The following MUC13 variants were observed in gnomAD, a reference collection of about 807,000 sequenced individuals.
MUC13 encodes the protein mucin 13, cell surface associated.
MUC13 carries 32 observed loss-of-function variants against 48.3 expected under a neutral mutation model. That is an observed-to-expected ratio of 0.66 (90% CI 0.50 to 0.89). The LOEUF is 0.89. Among genes scored for constraint, MUC13 ranks in the 40% least tolerant of loss-of-function variants. MUC13 has a pLI of 0.00. For missense variants in MUC13, 571 were observed against 622.8 expected, an observed-to-expected ratio of 0.92 and a Z score of 0.88; for synonymous variants, 199 against 224.9, an observed-to-expected ratio of 0.88 and a Z score of 1.03.
intron 9 of MUC13, 72 bp downstream of exon 9, chr3:124,912,032 G>A (rs568820554): frequency 6.4e-7 from 1 of 1,565,316 alleles, no homozygotes; most frequent in East Asian, 2.3e-5. Context: ...TGGGCAGGAT[G>A]TTGAATGGGG....
At chr3:124,909,718 G>C (rs1935385231) in intron 10 of MUC13, among the ~76,000 whole-genome samples, 1 of 151,990 alleles carries the variant, frequency 6.6e-6, no homozygotes, top group East Asian at 1.9e-4. Flanking sequence ...CAACCCAGGG[G>C]GTTCAGTTGA....
intron 5 of MUC13, among the ~76,000 whole-genome samples, chr3:124,919,324 T>G (rs1935554982): frequency 1.5e-5 from 2 of 135,312 alleles, no homozygotes; most frequent in Admixed American, 8.1e-5. Context: ...ATGACAGGAG[T>G]GAGATTCCAT....
chr3:124,923,051 T>A (rs1437262903), intron 3 of MUC13, among the ~76,000 whole-genome samples: 2 of 150,368 alleles, frequency 1.3e-5, no homozygotes, highest in Non-Finnish European at 2.9e-5. Context: ...CATTCATTTC[T>A]TATAGAATTG....
chr3:124,913,006 C>T, intron 8 of MUC13, 105 bp downstream of exon 8: 3 of 1,250,710 alleles, frequency 2.4e-6, no homozygotes, highest in Non-Finnish European at 3.2e-6. Flanking sequence ...CAACCTATGA[C>T]AGCTTACCAG....
Position 124,934,732 on chromosome 3 carries a change from T to G in MUC13, c.-20A>C, listed in dbSNP as rs779178488. 22 of 1,594,376 alleles carry G rather than the reference T, an allele frequency of 1.4e-5. No homozygotes were observed. The highest frequency in any genetic ancestry group is 1.9e-5 in the Non-Finnish European group (22 of 1,162,596). ...TTTCATTTTAGCTGTTCTTGCTTGG[T>G]AATCTGAGGAGGAAATGATTTCCCT... On this transcript the variant is annotated 5_prime_UTR_variant, in exon 1 of 12. Transcript: ENST00000616727.
chr3:124,910,312 T>C lies in MUC13; in HGVS notation c.1337+103A>G, dbSNP rs970471325. On this transcript the variant is annotated intron_variant, in intron 10 of 11. Transcript: ENST00000616727. Reference sequence around the variant, plus strand: ...ACTTTGGGAGGCCAAGGTGGGAGGATGGCTTGAGTTCAGGAGTTCGAGACC... The same window carrying C: ...ACTTTGGGAGGCCAAGGTGGGAGGACGGCTTGAGTTCAGGAGTTCGAGACC... 22 of 1,470,300 alleles carry C rather than the reference T, an allele frequency of 1.5e-5. No homozygotes were observed. In the African/African-American group the frequency reaches 2.3e-4, roughly 15 times the overall value. The allele number at this position is 1,470,300 out of a possible 1,614,324, so 91.1% of individuals were successfully genotyped here.
chr3:124,933,232 C>T (rs1036682980), intron 1 of MUC13, among the ~76,000 whole-genome samples: 1 of 152,218 alleles, frequency 6.6e-6, no homozygotes, highest in African/African-American at 2.4e-5. Flanking sequence ...CTTCATACAT[C>T]TGCCTTATCA....
intron 1 of MUC13, among the ~76,000 whole-genome samples, chr3:124,931,950 C>G (rs1935806321): frequency 6.6e-6 from 1 of 151,868 alleles, no homozygotes; most frequent in Non-Finnish European, 1.5e-5. Context: ...GAAGCTGAGG[C>G]AGGAGAATTG....
At chr3:124,915,301 A>T (rs1299145080) in intron 6 of MUC13, among the ~76,000 whole-genome samples, 1 of 152,142 alleles carries the variant, frequency 6.6e-6, no homozygotes, top group African/African-American at 2.4e-5. Context: ...GCCCTTCCAC[A>T]CTGTGCTTGG....
chr3:124,916,971 G>A (rs1935520757), intron 5 of MUC13, among the ~76,000 whole-genome samples: 1 of 152,228 alleles, frequency 6.6e-6, no homozygotes, highest in South Asian at 2.1e-4. Context: ...GAAAGGACCA[G>A]GAAGTCAGCA....
At chr3:124,929,290 C>T (rs9861922) in intron 1 of MUC13, among the ~76,000 whole-genome samples, 18,568 of 152,008 alleles carry the variant, frequency 0.12, 1,395 homozygotes, top group Admixed American at 0.18. Context: ...GATCCTCCCA[C>T]CTTGGCCGCC....
At position 124,916,010 on chromosome 3, in the gene MUC13, C is replaced by G. The variant is rs568557331; in HGVS notation, c.964+307G>C. Among the ~76,000 whole-genome samples, 27 of 152,308 alleles carry G rather than the reference C, an allele frequency of 1.8e-4. 1 individual carries two copies. Among genetic ancestry groups the G allele is most frequent in the Middle Eastern group, 3.4e-3 (1 of 294 alleles). On this transcript the variant is annotated intron_variant, in intron 6 of 11. Transcript: ENST00000616727. ...AAATTTTCTGTAATCATTTGGAAAT[C>G]TTTAACCTGACATAAAGCCCTGTTG...
intron 5 of MUC13, among the ~76,000 whole-genome samples, chr3:124,918,777 C>T (rs148996185): frequency 2.6e-3 from 390 of 152,240 alleles, no homozygotes; most frequent in African/African-American, 8.9e-3. Context: ...TGGCTATTGT[C>T]CACTAAACCA....
chr3:124,934,545 A>G, intron 1 of MUC13, 116 bp downstream of exon 1: 1 of 724,792 alleles, frequency 1.4e-6, no homozygotes, highest in East Asian at 2.5e-5. Context: ...AGGAAACTTC[A>G]TTTATAAAAT....
chr3:124,913,373 T>C, intron 7 of MUC13, 133 bp from the exon 8 acceptor site: 1 of 1,443,992 alleles, frequency 6.9e-7, no homozygotes, highest in East Asian at 2.3e-5. Flanking sequence ...ACTCCACACA[T>C]GATGTGCCCC....
chr3:124,923,399 C>A (rs1024311814), intron 3 of MUC13, 128 bp downstream of exon 3: 3 of 995,730 alleles, frequency 3.0e-6, no homozygotes, highest in African/African-American at 3.3e-5. Context: ...CTTTGCTGGC[C>A]TTTGTTGCCT....
Position 124,922,190 on chromosome 3 carries a change from T to C in MUC13, c.744+7A>G, listed in dbSNP as rs772800994. ...CTTTACAGAAAGGAAAGTTGGAAAATACTTACCAAGCTAGTAATTTCACTA... is the reference window on the plus strand; with the variant it reads ...CTTTACAGAAAGGAAAGTTGGAAAACACTTACCAAGCTAGTAATTTCACTA... On this transcript the variant is annotated splice_region_variant and intron_variant, in intron 4 of 11. Transcript: ENST00000616727. 5 of 1,613,888 alleles carry C rather than the reference T, an allele frequency of 3.1e-6. No individual in the cohort carries two copies. In the Admixed American group the frequency reaches 5.0e-5, roughly 16 times the overall value.
chr3:124,922,841 T>C (rs1039882203), intron 3 of MUC13, among the ~76,000 whole-genome samples: 11 of 152,046 alleles, frequency 7.2e-5, no homozygotes, highest in African/African-American at 2.4e-4. Flanking sequence ...TGTAATCATT[T>C]TTTGTTATTG....
At chr3:124,921,398 G>A (rs1287793814) in intron 4 of MUC13, among the ~76,000 whole-genome samples, 6 of 152,218 alleles carry the variant, frequency 3.9e-5, no homozygotes, top group Non-Finnish European at 5.9e-5. Context: ...TAATCTGCCC[G>A]CCTCATCCTC....
Sources: allele counts gnomAD v4.1 joint callset (sites outside exome capture counted in the v4.1 genomes callset), GRCh38; gene constraint gnomAD v4.1.1; transcripts MANE v1.5; gene names NCBI Gene and HGNC (gene_info 2026-07-23, HGNC 2026-07-21).